The following CDH12 variants were observed in gnomAD, a reference collection of about 807,000 sequenced individuals.
CDH12 encodes cadherin 12.
CDH12 carries 41 observed loss-of-function variants against 74.1 expected under a neutral mutation model. The ratio of observed to expected loss-of-function variants is 0.55; its 90% CI spans 0.43 to 0.72. CDH12 has a LOEUF of 0.72. Among genes scored for constraint, CDH12 ranks in the 30% least tolerant of loss-of-function variants. CDH12 has a pLI of 0.00. For missense variants in CDH12, 945 were observed against 977.2 expected (o/e 0.97, Z 0.44); for synonymous variants, 399 against 355.0 (o/e 1.12, Z -1.39).
At chr5:22,599,382 G>A (rs1460769276) in intron 1 of CDH12, among the ~76,000 whole-genome samples, 1 of 152,136 alleles carries the variant, frequency 6.6e-6, no homozygotes, top group Non-Finnish European at 1.5e-5. Flanking sequence ...GAATAGCCTA[G>A]GTGACTTTAC....
rs1478706962 is a variant in CDH12, at chr5:21,750,885, T to C, written c.*852A>G. ...CCAGTACAATATTAAGCAAAACCAA[T>C]ATTTATTTTAATGTGTAATTTGAGC... is the stretch of plus-strand genomic sequence containing the variant. On this transcript the variant is annotated 3_prime_UTR_variant, in exon 15 of 15. Transcript: ENST00000382254. The C allele has an allele frequency of 6.6e-6, 1 of 152,020 alleles. No individual in the cohort carries two copies. The highest frequency in any genetic ancestry group is 2.4e-5 in the African/African-American group (1 of 41,434). The allele number at this position is 152,020 out of a possible 1,614,324, so 9.4% of individuals were successfully genotyped here.
At chr5:22,127,088 G>A (rs1580292988) in intron 4 of CDH12, among the ~76,000 whole-genome samples, 1 of 152,260 alleles carries the variant, frequency 6.6e-6, no homozygotes, top group South Asian at 2.1e-4. Context: ...TTCATAGCAT[G>A]CCGCAGAAAT....
At chr5:21,792,598 C>T (rs1421908448) in intron 10 of CDH12, among the ~76,000 whole-genome samples, 6 of 121,728 alleles carry the variant, frequency 4.9e-5, no homozygotes, top group Middle Eastern at 4.1e-3. Flanking sequence ...TTCCTCTGCC[C>T]TTTTTTTTTT....
intron 3 of CDH12, among the ~76,000 whole-genome samples, chr5:22,257,623 C>T (rs943451424): frequency 5.9e-5 from 9 of 151,876 alleles, no homozygotes; most frequent in Non-Finnish European, 7.4e-5. Context: ...CCTCAGCCTC[C>T]GGATTAGCTG....
intron 6 of CDH12, chr5:21,883,586 G>C: frequency 6.2e-7 from 1 of 1,604,034 alleles, no homozygotes; most frequent in Non-Finnish European, 8.5e-7. Flanking sequence ...GGTTGACCCT[G>C]AATCTTGAAG....
chr5:22,131,575 G>A (rs1377290458), intron 4 of CDH12, among the ~76,000 whole-genome samples: 1 of 152,048 alleles, frequency 6.6e-6, no homozygotes, highest in South Asian at 2.1e-4. Context: ...AGGTCACCTT[G>A]TTCCTTGTTG....
chr5:21,799,302 C>T (rs1004056076), intron 10 of CDH12, among the ~76,000 whole-genome samples: 9 of 151,990 alleles, frequency 5.9e-5, no homozygotes, highest in Non-Finnish European at 8.8e-5. Flanking sequence ...AAAGGAGTAG[C>T]TTGGTTCCTC....
In CDH12 at chr5:22,619,857, T is replaced by C. The variant is rs531395293; in HGVS notation, c.-522-114493A>G. Among the ~76,000 whole-genome samples, 71 of 152,266 alleles carry C rather than the reference T, an allele frequency of 4.7e-4. 1 individual carries two copies. The highest frequency in any genetic ancestry group is 9.3e-4 in the Non-Finnish European group (63 of 68,004). ...TATGATGTACAAGTAAGGCATGATG[T>C]GTAAGCAAGAAAGCATTTTTTAGTC... is the stretch of plus-strand genomic sequence containing the variant. On this transcript the variant is annotated intron_variant, in intron 1 of 14. Coordinates refer to ENST00000382254, the MANE Select transcript of CDH12 (RefSeq NM_004061.5).
intron 6 of CDH12, among the ~76,000 whole-genome samples, chr5:21,916,480 C>G (rs1754098874): frequency 6.6e-6 from 1 of 150,732 alleles, no homozygotes. Flanking sequence ...CAAAGTTTCC[C>G]ATTGTCAAAA....
chr5:22,086,647 G>A (rs989194875), intron 4 of CDH12, among the ~76,000 whole-genome samples: 2 of 151,762 alleles, frequency 1.3e-5, no homozygotes, highest in Non-Finnish European at 2.9e-5. Context: ...GTGAGCCACC[G>A]TGCCCGGCCC....
intron 12 of CDH12, among the ~76,000 whole-genome samples, chr5:21,762,977 A>C (rs1307825719): frequency 6.6e-6 from 1 of 151,810 alleles, no homozygotes; most frequent in East Asian, 1.9e-4. Context: ...CAAAACAACC[A>C]AATCAGGTTA....
At chr5:22,397,186 C>A (rs747398264) in intron 3 of CDH12, among the ~76,000 whole-genome samples, 30 of 151,984 alleles carry the variant, frequency 2.0e-4, no homozygotes, top group Non-Finnish European at 1.3e-4. Context: ...GCAGATTCCA[C>A]AAATATTCTC....
At chr5:22,732,572 C>A (rs1744487776) in intron 1 of CDH12, among the ~76,000 whole-genome samples, 1 of 151,506 alleles carries the variant, frequency 6.6e-6, no homozygotes, top group Non-Finnish European at 1.5e-5. Context: ...GCTGCAGATG[C>A]AGTGGTTAAG....
intron 3 of CDH12, among the ~76,000 whole-genome samples, chr5:22,228,907 A>T (rs984037896): frequency 1.8e-4 from 28 of 152,156 alleles, no homozygotes; most frequent in Non-Finnish European, 3.5e-4. Flanking sequence ...GTTTCACTAC[A>T]TTAAAAACCT....
At chr5:22,007,762 T>C (rs1215247992) in intron 5 of CDH12, among the ~76,000 whole-genome samples, 1 of 152,214 alleles carries the variant, frequency 6.6e-6, no homozygotes, top group Non-Finnish European at 1.5e-5. Context: ...TCTTCCTAGT[T>C]TCCTTTCATT....
intron 5 of CDH12, among the ~76,000 whole-genome samples, chr5:22,042,496 A>C (rs1247994845): frequency 6.6e-6 from 1 of 152,206 alleles, no homozygotes; most frequent in African/African-American, 2.4e-5. Context: ...AAATGGTCAT[A>C]CGAGACTACT....
intron 1 of CDH12, among the ~76,000 whole-genome samples, chr5:22,545,786 T>A (rs1407285025): frequency 6.6e-6 from 1 of 152,222 alleles, no homozygotes; most frequent in Non-Finnish European, 1.5e-5. Flanking sequence ...TTTGAATTAA[T>A]GTATAACTGC....
chr5:22,138,547 T>C (rs1239332374), intron 4 of CDH12, among the ~76,000 whole-genome samples: 1 of 151,066 alleles, frequency 6.6e-6, no homozygotes, highest in East Asian at 1.9e-4. Context: ...CTTCCTTTTA[T>C]ATTTATCAAA....
intron 4 of CDH12, among the ~76,000 whole-genome samples, chr5:22,092,441 TGAGA>T (rs1296392466): frequency 6.6e-6 from 1 of 152,064 alleles, no homozygotes; most frequent in South Asian, 2.1e-4. Flanking sequence ...AATCAATAAA[TGAGA>T]GAGGGCTTTG....
Sources: allele counts gnomAD v4.1 joint callset (sites outside exome capture counted in the v4.1 genomes callset), GRCh38; gene constraint gnomAD v4.1.1; transcripts MANE v1.5; gene names NCBI Gene and HGNC (gene_info 2026-07-23, HGNC 2026-07-21).